STK32A: variants seen among roughly 807,000 people sequenced by gnomAD.
STK32A encodes serine/threonine-protein kinase 32A.
In STK32A, 41 loss-of-function variants were observed where a neutral mutation model predicts 53.2. The observed-to-expected ratio is 0.77, with a 90% CI of 0.60 to 1.00. The LOEUF is 1.00. Among genes scored for constraint, STK32A ranks in the 50% least tolerant of loss-of-function variants. The pLI is 0.00. For missense variants in STK32A, 458 were observed against 485.8 expected (o/e 0.94, Z 0.54); for synonymous variants, 166 against 162.8 (o/e 1.02, Z -0.15).
chr5:147,365,805 T>C (rs1756719413), intron 8 of STK32A, among the ~76,000 whole-genome samples: 1 of 152,176 alleles, frequency 6.6e-6, no homozygotes, highest in African/African-American at 2.4e-5. Context: ...TCTGTTATTC[T>C]TCAAACATGC....
intron 12 of STK32A, 60 bp downstream of exon 12, chr5:147,383,565 T>C: frequency 8.1e-7 from 1 of 1,241,922 alleles, no homozygotes; most frequent in Non-Finnish European, 1.1e-6. Flanking sequence ...AGCCAGACTT[T>C]ACTTGCAGAG....
chr5:147,346,480 A>G (rs1312827177), intron 6 of STK32A, among the ~76,000 whole-genome samples: 1 of 152,216 alleles, frequency 6.6e-6, no homozygotes, highest in African/African-American at 2.4e-5. Flanking sequence ...CTTTATATTC[A>G]TCTGAAAAGA....
intron 2 of STK32A, among the ~76,000 whole-genome samples, chr5:147,254,936 C>G (rs907542632): frequency 7.9e-5 from 12 of 152,000 alleles, no homozygotes; most frequent in Non-Finnish European, 1.2e-4. Flanking sequence ...TCAGGAGATG[C>G]AGACCATCCT....
At chr5:147,260,312 TC>T (rs776941728) in intron 2 of STK32A, among the ~76,000 whole-genome samples, 5,949 of 149,124 alleles carry the variant, frequency 0.04, 504 homozygotes, top group Middle Eastern at 0.086. Flanking sequence ...TCTCTCTCTC[TC>T]TCTCTTCTCC....
intron 10 of STK32A, among the ~76,000 whole-genome samples, chr5:147,374,157 AC>A (rs902039893): frequency 1.3e-5 from 2 of 151,936 alleles, no homozygotes; most frequent in African/African-American, 4.8e-5. Flanking sequence ...GCGTGGTGGT[AC>A]TTGGGTGTAG....
chr5:147,325,324 T>C (rs1455424417), intron 5 of STK32A, among the ~76,000 whole-genome samples: 2 of 151,674 alleles, frequency 1.3e-5, no homozygotes, highest in South Asian at 4.1e-4. Context: ...TATATATATA[T>C]ATATATATTA....
intron 5 of STK32A, among the ~76,000 whole-genome samples, chr5:147,332,372 T>A (rs1214292785): frequency 1.3e-5 from 2 of 151,934 alleles, no homozygotes; most frequent in Admixed American, 6.6e-5. Context: ...ATACCACTTC[T>A]CCTGTCCAAG....
At chr5:147,291,944 A>T (rs1429109248) in intron 4 of STK32A, among the ~76,000 whole-genome samples, 2 of 152,192 alleles carry the variant, frequency 1.3e-5, no homozygotes, top group Non-Finnish European at 2.9e-5. Context: ...CTTTGCTGGA[A>T]CTTTTTCATA....
At chr5:147,272,767 T>C (rs970360448) in intron 2 of STK32A, among the ~76,000 whole-genome samples, 1 of 152,218 alleles carries the variant, frequency 6.6e-6, no homozygotes, top group African/African-American at 2.4e-5. Flanking sequence ...TTGCTTCTGG[T>C]TTATAATGTC....
the STK32A span, chr5:147,400,761 G>A: frequency 6.2e-7 from 1 of 1,614,210 alleles, no homozygotes; most frequent in South Asian, 1.1e-5. Flanking sequence ...TGGCTGTGAA[G>A]TTGTCCTTCC....
chr5:147,251,013 G>A (rs1753972394), intron 2 of STK32A, among the ~76,000 whole-genome samples: 1 of 151,768 alleles, frequency 6.6e-6, no homozygotes, highest in African/African-American at 2.4e-5. Context: ...GGTCTAAAAG[G>A]AAGCGGAGAA....
intron 5 of STK32A, among the ~76,000 whole-genome samples, chr5:147,333,823 A>G (rs2151983162): frequency 6.6e-6 from 1 of 152,310 alleles, no homozygotes; most frequent in South Asian, 2.1e-4. Context: ...AAGAAAGAAC[A>G]ATAATCTTAC....
At chr5:147,387,995 T>A (rs1310613798), downstream of STK32A, 1 of 152,184 alleles carries the variant, frequency 6.6e-6, no homozygotes. Flanking sequence ...TTACCAGAAA[T>A]AATATTCTGT....
Position 147,384,363 on chromosome 5 carries a change from C to A in STK32A, c.*380C>A. ...ATATAGATTTATTTTTCCACTCCTT[C>A]TAATTATGCAGTGACAAATGGACAA... On this transcript the variant is annotated 3_prime_UTR_variant, in exon 13 of 13. Transcript: ENST00000397936. 1.3e-6 allele frequency: 2 copies of A among 1,517,320 alleles called. No homozygotes were observed. The highest frequency in any genetic ancestry group is 2.5e-5 in the South Asian group (2 of 79,506). 94.0% of individuals were successfully genotyped at this position (1,517,320 alleles called of 1,614,324 possible).
intron 2 of STK32A, among the ~76,000 whole-genome samples, chr5:147,261,479 A>G (rs4705144): frequency 0.3 from 44,998 of 151,896 alleles, 7,026 homozygotes; most frequent in African/African-American, 0.36. Flanking sequence ...GTGCTTTGGC[A>G]GGAGTCAGGG....
Position 147,239,662 on chromosome 5 carries a change from C to A in STK32A, c.28C>A (p.Pro10Thr), listed in dbSNP as rs201268038. 4 of 1,608,786 alleles carry A rather than the reference C, an allele frequency of 2.5e-6. No individual in the cohort carries two copies. Among genetic ancestry groups the A allele is most frequent in the Admixed American group, 3.4e-5 (2 of 59,442 alleles). Residue 10 changes from proline (P) to threonine (T), a missense_variant, in exon 2 of 13, where the codon CCA becomes ACA. By Grantham distance (38) the Pro-to-Thr change is conservative. Transcript: ENST00000397936. MGANTSRKP[P>T]VFDENEDVNF... ...GGGAGCGAACACTTCAAGAAAACCA[C>A]CAGTGTTTGATGAAAATGAAGATGG...
intron 2 of STK32A, among the ~76,000 whole-genome samples, chr5:147,271,006 T>C (rs1344452095): frequency 6.6e-6 from 1 of 151,926 alleles, no homozygotes; most frequent in East Asian, 1.9e-4. Flanking sequence ...GATAATTTTT[T>C]TTTTTTTTTG....
rs116975942 is a variant in STK32A, at chr5:147,346,196, T to G, written c.472+3153T>G. ...TGAATCACAAATCAATGCCTGCCTT[T>G]TAGAGTGTCTGCTGGTGTGACTTTC... is the stretch of plus-strand genomic sequence containing the variant. On this transcript the variant is annotated intron_variant, in intron 6 of 12. Transcript: ENST00000397936. Among the ~76,000 whole-genome samples, 24 of 152,302 alleles carry G rather than the reference T, an allele frequency of 1.6e-4. No individual in the cohort carries two copies. The East Asian group carries it at 4.1e-3, about 26-fold the overall frequency.
chr5:147,346,581 T>A (rs941290355), intron 6 of STK32A, among the ~76,000 whole-genome samples: 38 of 152,180 alleles, frequency 2.5e-4, no homozygotes, highest in African/African-American at 8.7e-4. Context: ...TGTTTTTAAC[T>A]TAGAGCACAT....
Sources: allele counts gnomAD v4.1 joint callset (sites outside exome capture counted in the v4.1 genomes callset), GRCh38; gene constraint gnomAD v4.1.1; transcripts MANE v1.5; gene names NCBI Gene and HGNC (gene_info 2026-07-23, HGNC 2026-07-21).